The following CCDC33 variants were observed in gnomAD, a reference collection of about 807,000 sequenced individuals.
CCDC33 encodes coiled-coil domain-containing protein 33.
A neutral mutation model predicts 91.9 loss-of-function variants in CCDC33; 94 were observed. The observed-to-expected ratio is 1.02, with a 90% CI of 0.87 to 1.21. The LOEUF is 1.21. CCDC33 is among the 50% of genes most tolerant of loss of function. The pLI is 0.00. For missense variants in CCDC33, 940 were observed against 935.5 expected (o/e 1.00, Z -0.06); for synonymous variants, 396 against 374.5 (o/e 1.06, Z -0.66).
Position 74,333,965 on chromosome 15 carries a change from C to T in CCDC33, c.2023C>T (p.Gln675Ter), listed in dbSNP as rs369799491. The change falls in exon 17 of 19, where the codon CAG becomes TAG. Residue 675 changes from glutamine to a stop codon, truncating the protein, a stop_gained and splice_region_variant. Transcript: ENST00000398814. LOFTEE classifies it high-confidence loss of function. ...AQSRILSLES[Q>*]LEDSARRWGR... ...GAGCCGGATCCTGTCCCTGGAAAGC[C>T]AGGTGGGTGAGATGCAGGAGTTGAT... The T allele has an allele frequency of 3.5e-5, 57 of 1,613,146 alleles. No individual in the cohort carries two copies. The highest frequency in any genetic ancestry group is 4.4e-5 in the South Asian group (4 of 91,024).
At chr15:74,243,663 G>A in intron 1 of CCDC33, 1 of 465,466 alleles carries the variant, frequency 2.1e-6, no homozygotes, top group Middle Eastern at 6.7e-4. Flanking sequence ...CGCAGCAGAG[G>A]AGGCCACTCA....
chr15:74,205,491 A>G (rs1304593923), intron 1 of CCDC33, among the ~76,000 whole-genome samples: 2 of 152,164 alleles, frequency 1.3e-5, no homozygotes, highest in Non-Finnish European at 2.9e-5. Context: ...TAGAGCGAGA[A>G]CTCACTCATT....
intron 7 of CCDC33, among the ~76,000 whole-genome samples, chr15:74,274,993 G>T (rs1323146510): frequency 6.6e-6 from 1 of 152,266 alleles, no homozygotes; most frequent in Non-Finnish European, 1.5e-5. Context: ...GGTGGGGATT[G>T]CCCGGGCAGA....
chr15:74,263,181 C>T (rs1220011328), intron 3 of CCDC33, among the ~76,000 whole-genome samples: 6 of 152,232 alleles, frequency 3.9e-5, no homozygotes, highest in African/African-American at 1.4e-4. Context: ...CATGTGCACA[C>T]TTATATTTAC....
At chr15:74,301,622 C>T (rs139280702) in intron 11 of CCDC33, 3 of 152,312 alleles carry the variant, frequency 2.0e-5, no homozygotes, top group African/African-American at 7.2e-5. Context: ...CCTAGTGAGC[C>T]CTTAGTGAAT....
chr15:74,241,095 C>T (rs12905224), intron 1 of CCDC33, among the ~76,000 whole-genome samples: 89,024 of 151,772 alleles, frequency 0.59, 26,876 homozygotes, highest in Non-Finnish European at 0.67. Flanking sequence ...GGGCATCTTC[C>T]CCTCCCCTCA....
At chr15:74,278,676 A>T (rs2076512874) in intron 7 of CCDC33, among the ~76,000 whole-genome samples, 1 of 152,092 alleles carries the variant, frequency 6.6e-6, no homozygotes, top group African/African-American at 2.4e-5. Flanking sequence ...CATCCTGAAG[A>T]CCTTTATCCC....
chr15:74,265,712 G>A (rs1160880644), intron 3 of CCDC33, among the ~76,000 whole-genome samples: 3 of 152,208 alleles, frequency 2.0e-5, no homozygotes, highest in Non-Finnish European at 2.9e-5. Flanking sequence ...TTATTTATAG[G>A]ACATTGGTGT....
At position 74,272,859 on chromosome 15, in the gene CCDC33, G is replaced by A. The variant is rs764526996; in HGVS notation, c.727G>A (p.Val243Met). ...FPIPSMMNFDVPRVSQNGCPQ... is the reference protein window; with the variant it reads ...FPIPSMMNFDMPRVSQNGCPQ... ...TATCCCGTCCATGATGAACTTTGAC[G>A]TGCCTCGCGTCAGCCAGAACGGATG... The change falls in exon 7 of 19, where the codon GTG becomes ATG. Residue 243 changes from valine (V) to methionine (M), a missense_variant. Coordinates refer to ENST00000398814, the MANE Select transcript of CCDC33 (RefSeq NM_025055.5). 29 of 1,614,082 alleles carry A rather than the reference G, an allele frequency of 1.8e-5. No homozygotes were observed. The East Asian group carries it at 5.1e-4, about 29-fold the overall frequency.
At chr15:74,225,117 C>CGT (rs3057568) in intron 2 of CCDC33, among the ~76,000 whole-genome samples, 7,886 of 139,806 alleles carry the variant, frequency 0.056, 242 homozygotes, top group Middle Eastern at 0.083. Context: ...CTCCTGGAGG[C>CGT]GTGTGTGTGT....
chr15:74,239,183 TC>T (rs1305073206), intron 1 of CCDC33, among the ~76,000 whole-genome samples: 1 of 151,842 alleles, frequency 6.6e-6, no homozygotes, highest in Non-Finnish European at 1.5e-5. Context: ...ACACGGCCCT[TC>T]TAGAGGGCAG....
chr15:74,280,355 G>A lies in CCDC33; in HGVS notation c.889+263G>A, dbSNP rs116973113. On this transcript the variant is annotated intron_variant, in intron 8 of 18. Transcript: ENST00000398814. ...GTGATGGGGGAGGGCTGGAGCCCTC[G>A]GAACTCACAGAGAGGGGTGAGGGAG... is the stretch of plus-strand genomic sequence containing the variant. 1.7e-3 allele frequency among the ~76,000 whole-genome samples: 257 copies of A among 152,298 alleles called. 1 individual carries two copies. Among genetic ancestry groups the A allele is most frequent in the Middle Eastern group, 6.8e-3 (2 of 294 alleles).
chr15:74,332,772 C>T lies in CCDC33; in HGVS notation c.1865C>T (p.Ala622Val), dbSNP rs900538519. Residue 622 changes from alanine (A) to valine (V), a missense_variant, in exon 16 of 19, where the codon GCG (alanine) becomes GTG (valine). Ala to Val is a moderately conservative substitution (Grantham distance 64, BLOSUM62 0). Transcript: ENST00000398814. ...ELYSVLLAEN[A>V]KLRTELDKNR... is the part of the protein sequence containing the mutation. ...TACTCGGTGCTGCTGGCAGAAAACG[C>T]GAAGCTGCGGACGGAGCTGGATAAG... 10 of 1,614,080 alleles carry T rather than the reference C, an allele frequency of 6.2e-6. No individual in the cohort carries two copies. Among genetic ancestry groups the T allele is most frequent in the East Asian group, 2.2e-5 (1 of 44,894 alleles).
At chr15:74,269,516 C>T (rs1318312087) in intron 5 of CCDC33, among the ~76,000 whole-genome samples, 1 of 152,218 alleles carries the variant, frequency 6.6e-6, no homozygotes, top group Non-Finnish European at 1.5e-5. Context: ...CCTTCTATCA[C>T]GCCCTTTCCT....
chr15:74,210,569 G>T (rs1306160159), intron 2 of CCDC33, among the ~76,000 whole-genome samples: 2 of 152,338 alleles, frequency 1.3e-5, no homozygotes, highest in South Asian at 2.1e-4. Context: ...TGGGGGAGGG[G>T]TGAATTTTGG....
intron 12 of CCDC33, 69 bp from the exon 13 acceptor site, chr15:74,330,594 C>A: frequency 7.6e-7 from 1 of 1,308,726 alleles, no homozygotes; most frequent in Non-Finnish European, 1.1e-6. Flanking sequence ...TGCCTTCCTG[C>A]TACTGACCAT....
intron 3 of CCDC33, among the ~76,000 whole-genome samples, chr15:74,263,784 G>A (rs1282636813): frequency 4.6e-5 from 7 of 152,224 alleles, no homozygotes; most frequent in Non-Finnish European, 1.0e-4. Flanking sequence ...TCTTATGTGT[G>A]TGTGCGCGTG....
chr15:74,334,759 G>A (rs936573991), intron 17 of CCDC33, among the ~76,000 whole-genome samples: 4 of 152,160 alleles, frequency 2.6e-5, no homozygotes, highest in African/African-American at 9.7e-5. Flanking sequence ...TCAGTATGTT[G>A]TTGAAATGTC....
At chr15:74,310,798 G>A (rs985620943) in intron 11 of CCDC33, among the ~76,000 whole-genome samples, 1 of 152,354 alleles carries the variant, frequency 6.6e-6, no homozygotes. Context: ...AGAGTGAGGT[G>A]TGAGAGGAAC....
Sources: allele counts gnomAD v4.1 joint callset (sites outside exome capture counted in the v4.1 genomes callset), GRCh38; gene constraint gnomAD v4.1.1; transcripts MANE v1.5; gene names NCBI Gene and HGNC (gene_info 2026-07-23, HGNC 2026-07-21).